DCC: variants seen among roughly 807,000 people sequenced by gnomAD.
DCC encodes DCC netrin 1 receptor, also known as netrin receptor DCC.
DCC carries 58 observed loss-of-function variants against 172.5 expected under a neutral mutation model. The observed-to-expected ratio is 0.34, with a 90% CI of 0.27 to 0.42. The LOEUF (loss-of-function observed/expected upper bound fraction) is 0.42. Ranked by LOEUF, DCC falls within the 10% of genes least tolerant of loss-of-function variation. The pLI is 1.00. For synonymous variants in DCC, 709 were observed against 644.5 expected (o/e 1.10, Z -1.52); for missense variants, 1,740 against 1,791.0 (o/e 0.97, Z 0.51).
intron 1 of DCC, 31 bp downstream of exon 1, chr18:52,340,909 A>T (rs1330620884): frequency 6.6e-7 from 1 of 1,513,008 alleles, no homozygotes; most frequent in Non-Finnish European, 9.2e-7. Context: ...TTCTCGTCGC[A>T]CCCCCTTCCG....
At chr18:52,485,117 A>G (rs1025035457) in intron 1 of DCC, among the ~76,000 whole-genome samples, 9 of 152,070 alleles carry the variant, frequency 5.9e-5, no homozygotes, top group African/African-American at 2.2e-4. Context: ...TACACTAACA[A>G]TCTCTTTCAT....
At chr18:53,146,425 A>G (rs747297394) in intron 7 of DCC, among the ~76,000 whole-genome samples, 10 of 152,184 alleles carry the variant, frequency 6.6e-5, no homozygotes, top group Non-Finnish European at 1.2e-4. Context: ...CTCACATGGT[A>G]GAAGGAATGG....
At chr18:52,893,051 C>T (rs10515958) in intron 2 of DCC, among the ~76,000 whole-genome samples, 3,052 of 152,178 alleles carry the variant, frequency 0.02, 78 homozygotes, top group African/African-American at 0.055. Context: ...TGATGTGAAT[C>T]TTAGCTATTA....
At chr18:53,366,684 C>A (rs567429285) in intron 15 of DCC, among the ~76,000 whole-genome samples, 9 of 152,222 alleles carry the variant, frequency 5.9e-5, no homozygotes, top group Middle Eastern at 3.4e-3. Context: ...ATAATAGACT[C>A]GCCTATCTGA....
At chr18:52,642,016 A>G (rs140697527) in intron 1 of DCC, among the ~76,000 whole-genome samples, 16,865 of 38,266 alleles carry the variant, frequency 0.44, 1,375 homozygotes, top group South Asian at 0.55. Context: ...GTGTGTGTGT[A>G]TATATATATA....
At chr18:52,393,823 A>T (rs536067265) in intron 1 of DCC, among the ~76,000 whole-genome samples, 23 of 152,126 alleles carry the variant, frequency 1.5e-4, no homozygotes, top group Admixed American at 3.9e-4. Flanking sequence ...ACCACAGGCC[A>T]ATTACCTAGA....
intron 2 of DCC, among the ~76,000 whole-genome samples, chr18:52,830,358 AGT>A (rs1427835830): frequency 2.6e-5 from 4 of 152,154 alleles, no homozygotes; most frequent in Non-Finnish European, 5.9e-5. Flanking sequence ...TTCTTCTTCT[AGT>A]GTGTTCCAAT....
At chr18:53,182,507 C>T (rs2055212227) in intron 9 of DCC, among the ~76,000 whole-genome samples, 1 of 152,154 alleles carries the variant, frequency 6.6e-6, no homozygotes, top group African/African-American at 2.4e-5. Context: ...ATATCCTTTA[C>T]ATGTGCAAGA....
intron 19 of DCC, among the ~76,000 whole-genome samples, chr18:53,403,196 A>G (rs891375589): frequency 1.3e-5 from 2 of 152,042 alleles, no homozygotes; most frequent in Non-Finnish European, 2.9e-5. Flanking sequence ...CTGAAGCATT[A>G]AGACCACTTT....
At chr18:53,090,604 G>C (rs375088213) in intron 7 of DCC, among the ~76,000 whole-genome samples, 2 of 147,000 alleles carry the variant, frequency 1.4e-5, no homozygotes, top group African/African-American at 5.0e-5. Flanking sequence ...TGAGGCAGGA[G>C]AATGGCATGA....
At chr18:52,921,090 A>G (rs2040117273) in intron 3 of DCC, among the ~76,000 whole-genome samples, 1 of 152,104 alleles carries the variant, frequency 6.6e-6, no homozygotes, top group Admixed American at 6.6e-5. Context: ...TCCAAATGAT[A>G]TGGTAATACA....
intron 7 of DCC, among the ~76,000 whole-genome samples, chr18:53,098,421 C>T (rs571223883): frequency 2.0e-5 from 3 of 152,120 alleles, no homozygotes; most frequent in Non-Finnish European, 4.4e-5. Flanking sequence ...CAATCTGTAA[C>T]ACTTTTTCCA....
chr18:53,253,360 AGTT>A (rs1229077748), intron 12 of DCC, among the ~76,000 whole-genome samples: 17 of 152,048 alleles, frequency 1.1e-4, no homozygotes, highest in African/African-American at 3.6e-4. Flanking sequence ...ATGGGGTAGA[AGTT>A]GTTATTATCT....
intron 12 of DCC, among the ~76,000 whole-genome samples, chr18:53,241,183 G>A (rs528242049): frequency 8.5e-5 from 13 of 152,222 alleles, no homozygotes; most frequent in African/African-American, 3.1e-4. Context: ...TCTAAAGGTG[G>A]GGCTTGAGAA....
chr18:53,180,124 A>G (rs762011678), intron 9 of DCC, among the ~76,000 whole-genome samples: 12 of 152,164 alleles, frequency 7.9e-5, no homozygotes, highest in Admixed American at 3.3e-4. Flanking sequence ...TTTGTATTCT[A>G]TCACTTCTTG....
intron 2 of DCC, among the ~76,000 whole-genome samples, chr18:52,878,735 C>T (rs180997980): frequency 6.6e-6 from 1 of 152,060 alleles, no homozygotes. Context: ...TGTCTCTTTC[C>T]CTAGTGACTG....
intron 5 of DCC, among the ~76,000 whole-genome samples, chr18:53,014,183 T>G (rs918449967): frequency 1.3e-5 from 2 of 152,224 alleles, no homozygotes; most frequent in African/African-American, 4.8e-5. Context: ...TTTAGATCAT[T>G]GTAAGTAATT....
intron 15 of DCC, among the ~76,000 whole-genome samples, chr18:53,384,843 A>C (rs1908027782): frequency 8.8e-6 from 1 of 113,106 alleles, no homozygotes; most frequent in Non-Finnish European, 2.3e-5. Flanking sequence ...AGTTTACCTC[A>C]ATAATTTTTT....
chr18:53,142,888 C>T (rs1286680261), intron 7 of DCC, among the ~76,000 whole-genome samples: 3 of 152,152 alleles, frequency 2.0e-5, no homozygotes, highest in Admixed American at 6.6e-5. Context: ...TCTGTAACAG[C>T]TTCTATCTTT....
Sources: allele counts gnomAD v4.1 joint callset (sites outside exome capture counted in the v4.1 genomes callset), GRCh38; gene constraint gnomAD v4.1.1; transcripts MANE v1.5; gene names NCBI Gene and HGNC (gene_info 2026-07-23, HGNC 2026-07-21).